Variants in TTC27 observed in about 807,000 individuals in gnomAD.
The protein encoded by TTC27 is tetratricopeptide repeat domain 27.
TTC27 carries 79 observed loss-of-function variants against 115.9 expected under a neutral mutation model. The ratio of observed to expected loss-of-function variants is 0.68; its 90% confidence interval spans 0.57 to 0.82. The LOEUF is 0.82. TTC27 is among the 40% of genes least tolerant of loss of function. The pLI is 0.00. For synonymous variants in TTC27, 401 were observed against 356.0 expected (o/e 1.13, Z -1.42); for missense variants, 1,054 against 993.1 (o/e 1.06, Z -0.82).
chr2:32,798,784 G>A (rs1257260147), intron 16 of TTC27, among the ~76,000 whole-genome samples: 1 of 152,012 alleles, frequency 6.6e-6, no homozygotes, highest in Non-Finnish European at 1.5e-5. Context: ...GTGCGCTGTT[G>A]GTGGGAATGT....
chr2:32,790,270 A>AT (rs879750990), intron 16 of TTC27, among the ~76,000 whole-genome samples: 185 of 150,696 alleles, frequency 1.2e-3, no homozygotes, highest in South Asian at 5.2e-3. Context: ...TTGCCATTAA[A>AT]TTTTTTTTTT....
At chr2:32,695,376 G>C (rs1666947758) in intron 9 of TTC27, among the ~76,000 whole-genome samples, 1 of 152,066 alleles carries the variant, frequency 6.6e-6, no homozygotes, top group Admixed American at 6.6e-5. Flanking sequence ...CTGAGGTCAG[G>C]AGTTCAAAAC....
rs915388106 is a variant in TTC27, at chr2:32,739,235, C to T, written c.1452+2419C>T. On this transcript the variant is annotated intron_variant, in intron 12 of 19. Transcript: ENST00000317907. ...ATTCTTTACTGTGCTAGTCTTTTTA[C>T]ACTGGCCAAGAAATAAGTAATAACT... 1.3e-5 allele frequency among the ~76,000 whole-genome samples: 2 copies of T among 152,154 alleles called. 1 individual carries two copies. Among genetic ancestry groups the T allele is most frequent in the Non-Finnish European group, 2.9e-5 (2 of 68,012 alleles).
intron 9 of TTC27, among the ~76,000 whole-genome samples, chr2:32,680,792 G>A (rs1666394440): frequency 6.6e-6 from 1 of 152,136 alleles, no homozygotes; most frequent in Non-Finnish European, 1.5e-5. Context: ...GTTTATTGCA[G>A]CATATATATT....
At position 32,817,552 on chromosome 2, in the gene TTC27, G is replaced by A. The variant is rs1671546751; in HGVS notation, c.2404G>A (p.Ala802Thr). 6.2e-7 allele frequency: 1 copy of A among 1,612,560 alleles called. No individual in the cohort carries two copies. The highest frequency in any genetic ancestry group is 8.5e-7 in the Non-Finnish European group (1 of 1,178,562). ...RLNLRGLLSK[A>T]KQLFTDVATG... The stretch of plus-strand genomic sequence containing the variant: ...CAATTTACGGGGCTTGTTATCTAAA[G>A]CAAAGGTGAGAGTGACATGTGAATT... Residue 802 changes from alanine to threonine, a missense_variant, in exon 19 of 20, where the codon GCA (alanine) becomes ACA (threonine). Transcript: ENST00000317907.
intron 10 of TTC27, among the ~76,000 whole-genome samples, chr2:32,727,107 T>C (rs1668136208): frequency 6.6e-6 from 1 of 152,162 alleles, no homozygotes; most frequent in South Asian, 2.1e-4. Context: ...ACCATATCAG[T>C]TACCAATGAT....
chr2:32,816,398 G>A lies in TTC27; in HGVS notation c.2309-1059G>A, dbSNP rs181917816. On this transcript the variant is annotated intron_variant, in intron 18 of 19. Coordinates refer to ENST00000317907, the MANE Select transcript of TTC27 (RefSeq NM_017735.5). ...GACTTTAATCCTTGCGCTGTTTAGT[G>A]TCATTTTAAAGGAGTATCTGATTAT... Among the ~76,000 whole-genome samples the A allele has an allele frequency of 5.8e-4, 89 of 152,150 alleles. 1 individual carries two copies. The highest frequency in any genetic ancestry group is 4.1e-4 in the Non-Finnish European group (28 of 68,004).
intron 2 of TTC27, among the ~76,000 whole-genome samples, chr2:32,633,189 A>G (rs1222705871): frequency 1.3e-5 from 2 of 152,178 alleles, no homozygotes; most frequent in African/African-American, 4.8e-5. Context: ...TAGATGTCTG[A>G]TCAGAACCTA....
intron 12 of TTC27, among the ~76,000 whole-genome samples, chr2:32,742,987 C>G (rs962746603): frequency 2.0e-5 from 3 of 152,088 alleles, no homozygotes; most frequent in Non-Finnish European, 4.4e-5. Flanking sequence ...TGCTTTTTCT[C>G]CATTCTCTTG....
In TTC27 at chr2:32,630,562, A is replaced by G. The variant is rs373233456; in HGVS notation, c.128A>G (p.Tyr43Cys). Residue 43 changes from tyrosine (Y) to cysteine (C), a missense_variant, in exon 2 of 20, where the codon TAT (tyrosine) becomes TGT (cysteine). Coordinates refer to ENST00000317907, the MANE Select transcript of TTC27 (RefSeq NM_017735.5). ...SFLQLLLEGN[Y>C]EAIFLNSMTQ... ...CTACAATTGCTACTGGAAGGGAACT[A>G]TGAAGCCATATTCTTAAATTCAATG... 2.5e-6 allele frequency: 4 copies of G among 1,612,644 alleles called. No individual in the cohort carries two copies. The South Asian group carries it at 3.3e-5, about 13-fold the overall frequency.
chr2:32,664,236 C>A, intron 5 of TTC27, 67 bp from the exon 6 acceptor site: 1 of 1,393,804 alleles, frequency 7.2e-7, no homozygotes. Flanking sequence ...ATTATAGACT[C>A]TATTTTACAC....
At chr2:32,698,597 A>G (rs1032367018) in intron 9 of TTC27, among the ~76,000 whole-genome samples, 1 of 150,148 alleles carries the variant, frequency 6.7e-6, no homozygotes. Context: ...CTCCTGCCTC[A>G]GCCTCCTGAG....
intron 10 of TTC27, among the ~76,000 whole-genome samples, chr2:32,711,608 TC>T (rs759043605): frequency 1.3e-5 from 2 of 152,182 alleles, no homozygotes; most frequent in Non-Finnish European, 2.9e-5. Context: ...TCTGTTCCCT[TC>T]CACAGCAGTG....
intron 6 of TTC27, among the ~76,000 whole-genome samples, chr2:32,665,749 G>C (rs1015706336): frequency 2.0e-5 from 3 of 152,078 alleles, no homozygotes; most frequent in African/African-American, 4.8e-5. Context: ...AAATTAGCTG[G>C]GTGTGGTGGT....
chr2:32,639,963 C>T (rs113003550), intron 3 of TTC27, among the ~76,000 whole-genome samples: 1,819 of 152,256 alleles, frequency 0.012, 14 homozygotes, highest in Middle Eastern at 0.027. Context: ...CACGCCACTG[C>T]ACTCCAGCCT....
chr2:32,783,467 A>G (rs990445507), intron 15 of TTC27, among the ~76,000 whole-genome samples: 2 of 152,240 alleles, frequency 1.3e-5, no homozygotes, highest in Non-Finnish European at 2.9e-5. Context: ...GGTGAGAGAT[A>G]AGGTTAGAAA....
chr2:32,757,788 G>A (rs538494454), intron 12 of TTC27, among the ~76,000 whole-genome samples: 1 of 152,260 alleles, frequency 6.6e-6, no homozygotes, highest in South Asian at 2.1e-4. Flanking sequence ...CACCTCCTGG[G>A]TTCAAGCGAT....
At chr2:32,711,265 A>G (rs1016183788) in intron 10 of TTC27, among the ~76,000 whole-genome samples, 30 of 152,306 alleles carry the variant, frequency 2.0e-4, no homozygotes, top group Admixed American at 5.9e-4. Flanking sequence ...AGAGTTGCGT[A>G]GTCCACTACC....
chr2:32,794,891 G>A (rs1670646172), intron 16 of TTC27, among the ~76,000 whole-genome samples: 1 of 151,930 alleles, frequency 6.6e-6, no homozygotes, highest in Non-Finnish European at 1.5e-5. Flanking sequence ...AAATCATAAA[G>A]AAACAAGAAA....
Sources: gnomAD v4.1 joint callset for allele counts (sites outside exome capture counted in the v4.1 genomes callset) on GRCh38, gnomAD v4.1.1 for gene constraint, MANE v1.5 for transcripts, NCBI Gene and HGNC (gene_info 2026-07-23, HGNC 2026-07-21) for gene names.